The following TRPM6 variants were observed in gnomAD, a reference collection of about 807,000 sequenced individuals.
TRPM6 encodes transient receptor potential cation channel subfamily M member 6, also known as channel kinase 2.
A neutral mutation model predicts 247.6 loss-of-function variants in TRPM6; 111 were observed. The observed-to-expected ratio is 0.45, with a 90% CI of 0.38 to 0.52. TRPM6 has a LOEUF of 0.52. TRPM6 is among the 20% of genes least tolerant of loss of function. The pLI, the probability that TRPM6 is intolerant of heterozygous loss-of-function variation, is 0.00. For missense variants in TRPM6, 2,126 were observed against 2,421.5 expected (o/e 0.88, Z 2.56); for synonymous variants, 892 against 853.8 (o/e 1.04, Z -0.78).
intron 17 of TRPM6, among the ~76,000 whole-genome samples, chr9:74,798,316 T>A (rs887439998): frequency 3.9e-5 from 6 of 152,100 alleles, no homozygotes; most frequent in Non-Finnish European, 8.8e-5. Context: ...GTTTTAAAGC[T>A]TGATCTCCTA....
At chr9:74,747,745 T>TCTTCTACTGAACTTTCTACA in intron 31 of TRPM6, 144 bp downstream of exon 31, 1 of 673,564 alleles carries the variant, frequency 1.5e-6, no homozygotes, top group Non-Finnish European at 2.5e-6. Context: ...AACTTTCTAC[T>TCTTCTACTGAACTTTCTACA]CTTCTACTGA....
intron 8 of TRPM6, 140 bp downstream of exon 8, chr9:74,821,529 C>A (rs951399609): frequency 2.0e-6 from 2 of 1,019,302 alleles, no homozygotes; most frequent in African/African-American, 3.3e-5. Flanking sequence ...GAACAACAAA[C>A]ACAGTCACTG....
At chr9:74,861,958 C>A (rs1002964607) in intron 1 of TRPM6, among the ~76,000 whole-genome samples, 6 of 151,974 alleles carry the variant, frequency 3.9e-5, no homozygotes, top group African/African-American at 1.2e-4. Flanking sequence ...GAATGAGCAA[C>A]AAACATGCTG....
chr9:74,767,981 A>C (rs962231170), intron 25 of TRPM6, among the ~76,000 whole-genome samples: 2 of 152,174 alleles, frequency 1.3e-5, no homozygotes, highest in African/African-American at 4.8e-5. Flanking sequence ...ACCAAATTCT[A>C]AATCTCTTGG....
intron 25 of TRPM6, among the ~76,000 whole-genome samples, chr9:74,763,733 A>G (rs549834337): frequency 1.4e-4 from 22 of 152,256 alleles, no homozygotes; most frequent in Non-Finnish European, 2.2e-4. Context: ...AGCCTAATGC[A>G]AATTTTTAAA....
chr9:74,873,102 T>C (rs1261079513), intron 1 of TRPM6, among the ~76,000 whole-genome samples: 6 of 152,126 alleles, frequency 3.9e-5, no homozygotes, highest in Non-Finnish European at 8.8e-5. Context: ...TGCCTCCATC[T>C]CTACATTCTA....
chr9:74,873,043 C>T (rs1326529458), intron 1 of TRPM6, among the ~76,000 whole-genome samples: 1 of 152,190 alleles, frequency 6.6e-6, no homozygotes, highest in Admixed American at 6.5e-5. Flanking sequence ...AGAGCATTGC[C>T]TGCCACATCT....
chr9:74,786,208 A>G (rs1341324825), intron 20 of TRPM6, 83 bp from the exon 21 acceptor site: 2 of 1,493,732 alleles, frequency 1.3e-6, no homozygotes, highest in East Asian at 2.3e-5. Context: ...TACACAAACC[A>G]TTCACTGAAA....
At chr9:74,804,573 G>A (rs559081133) in intron 14 of TRPM6, 14 of 745,608 alleles carry the variant, frequency 1.9e-5, no homozygotes, top group African/African-American at 1.5e-4. Context: ...ATTTCAGGGT[G>A]AATGGACTGC....
At chr9:74,790,126 T>G (rs1827853017) in intron 19 of TRPM6, among the ~76,000 whole-genome samples, 3 of 152,066 alleles carry the variant, frequency 2.0e-5, no homozygotes, top group Admixed American at 1.3e-4. Flanking sequence ...TGCTTCTAAC[T>G]TTAGTTCTGC....
At chr9:74,770,505 T>C (rs528815472) in intron 25 of TRPM6, among the ~76,000 whole-genome samples, 17 of 152,210 alleles carry the variant, frequency 1.1e-4, no homozygotes, top group Middle Eastern at 3.4e-3. Context: ...CATTATAGCT[T>C]CCTAATATGT....
rs1340469380 is a variant in TRPM6 at position 74,739,882 on chromosome 9, A to G, written c.5328T>C (p.Asp1776=). The G allele has an allele frequency of 1.2e-6, 2 of 1,614,048 alleles. No individual in the cohort carries two copies. Among genetic ancestry groups the G allele is most frequent in the Non-Finnish European group, 1.7e-6 (2 of 1,179,998 alleles). Residue 1776 remains aspartate, a synonymous_variant, in exon 34 of 39, where the codon GAT becomes GAC. Coordinates refer to ENST00000360774, the MANE Select transcript of TRPM6 (RefSeq NM_017662.5). Reference sequence around the variant, plus strand: ...CTCTCATAGCTTTACGGAGGCCCCCATCCATCTCCTCTCGGGACAATACCT... The same window carrying G: ...CTCTCATAGCTTTACGGAGGCCCCCGTCCATCTCCTCTCGGGACAATACCT... The part of the protein sequence containing the change: ...MIQVLSREEM[D]GGLRKAMRVV...
chr9:74,842,299 T>A lies in TRPM6; in HGVS notation c.197A>T (p.Tyr66Phe). Residue 66 changes from tyrosine to phenylalanine, a missense_variant, in exon 4 of 39, where the codon TAT becomes TTT. By Grantham distance (22) the Tyr-to-Phe change is conservative. This residue lies in a region of TRPM6 where 1,082 missense variants were observed against 1,307.9 expected (regional missense o/e 0.83). Coordinates refer to ENST00000360774, the MANE Select transcript of TRPM6 (RefSeq NM_017662.5). ...CTTGGCAGCTGAGATGGTCCAGGAA[T>A]AATCTATCCCAGCATGGTCTCCAAT... The part of the protein sequence containing the change: ...RLIGDHAGID[Y>F]SWTISAAKGK... 6.2e-7 allele frequency: 1 copy of A among 1,614,140 alleles called. No individual in the cohort carries two copies. The highest frequency in any genetic ancestry group is 8.5e-7 in the Non-Finnish European group (1 of 1,180,026).
rs1367561067 is a variant in TRPM6, at chr9:74,750,612, T to TA, written c.5057+51dup. The TA allele has an allele frequency of 1.8e-5, 28 of 1,547,340 alleles. No homozygotes were observed. In the East Asian group the frequency reaches 3.4e-4, roughly 19 times the overall value. ...ATTAAACCTTTGCTCCTAACCAAGT[T>TA]AAAAAAATGGAAGCCAAAGATTCTT... On this transcript the variant is annotated intron_variant, in intron 30 of 38. Coordinates refer to ENST00000360774, the MANE Select transcript of TRPM6 (RefSeq NM_017662.5).
chr9:74,866,954 A>G (rs1441715545), intron 1 of TRPM6, among the ~76,000 whole-genome samples: 1 of 152,254 alleles, frequency 6.6e-6, no homozygotes, highest in Non-Finnish European at 1.5e-5. Context: ...ATATTTACTT[A>G]TTAGTTCATT....
intron 14 of TRPM6, 53 bp downstream of exon 14, chr9:74,807,978 AAAC>A (rs1828590232): frequency 1.9e-6 from 3 of 1,609,148 alleles, no homozygotes; most frequent in Non-Finnish European, 1.7e-6. Flanking sequence ...CATTTTTCCA[AAAC>A]AACAATTCCT....
intron 16 of TRPM6, 74 bp from the exon 17 acceptor site, chr9:74,800,556 T>C (rs1828289544): frequency 2.0e-6 from 2 of 1,018,342 alleles, no homozygotes; most frequent in Non-Finnish European, 3.1e-6. Flanking sequence ...TTTTAGAACA[T>C]TTAGAAACAT....
intron 27 of TRPM6, among the ~76,000 whole-genome samples, chr9:74,759,794 G>T (rs1289728037): frequency 6.6e-6 from 1 of 151,900 alleles, no homozygotes; most frequent in East Asian, 1.9e-4. Flanking sequence ...AAAAATTATG[G>T]TTTCAAAGGA....
chr9:74,840,482 C>T (rs1210351353), intron 4 of TRPM6, among the ~76,000 whole-genome samples: 3 of 152,198 alleles, frequency 2.0e-5, no homozygotes, highest in Admixed American at 2.0e-4. Flanking sequence ...TCAAGGCTGG[C>T]CCACCAATGC....
Sources: allele counts gnomAD v4.1 joint callset (sites outside exome capture counted in the v4.1 genomes callset), GRCh38; gene constraint gnomAD v4.1.1; regional missense constraint gnomAD v4.1.1; transcripts MANE v1.5; gene names NCBI Gene and HGNC (gene_info 2026-07-23, HGNC 2026-07-21).